LEF1: variants seen among roughly 807,000 people sequenced by gnomAD.
The protein encoded by LEF1 is lymphoid enhancer binding factor 1, also known as lymphoid enhancer-binding factor 1.
LEF1 carries 14 observed loss-of-function variants against 51.2 expected under a neutral mutation model. The observed-to-expected ratio is 0.27, with a 90% CI of 0.18 to 0.43. The LOEUF (loss-of-function observed/expected upper bound fraction) is 0.43, where lower values mean the gene tolerates loss of function less well. LEF1 is among the 20% of genes least tolerant of loss of function. The pLI is 1.00. For synonymous variants in LEF1, 185 were observed against 183.2 expected, an observed-to-expected ratio of 1.01 and a Z score of -0.08; for missense variants, 386 against 512.0, an observed-to-expected ratio of 0.75 and a Z score of 2.37.
chr4:108,103,852 T>C (rs1359171272), intron 3 of LEF1, among the ~76,000 whole-genome samples: 3 of 152,164 alleles, frequency 2.0e-5, no homozygotes, highest in Non-Finnish European at 4.4e-5. Context: ...TCAAAAGAAA[T>C]AGAAAACAGT....
intron 9 of LEF1, among the ~76,000 whole-genome samples, chr4:108,070,209 C>A: frequency 6.6e-6 from 1 of 151,694 alleles, no homozygotes. Flanking sequence ...AAACACTGTG[C>A]CATAACAGAT....
rs1290134350 is a variant in LEF1 at position 108,167,984 on chromosome 4, G to T, written c.-217C>A. ...ATCCCGGCGGCCGCCGCGCTTTCCC[G>T]CTTCGCGGAGACCGACGCAGGCGCC... On this transcript the variant is annotated 5_prime_UTR_variant, in exon 1 of 12. Coordinates refer to ENST00000265165, the MANE Select transcript of LEF1 (RefSeq NM_016269.5). The surrounding 1 kb of genome is among the most constrained non-coding windows in gnomAD (Gnocchi z 5.7). 1 of 229,102 alleles carries T rather than the reference G, an allele frequency of 4.4e-6. No individual in the cohort carries two copies. Among genetic ancestry groups the T allele is most frequent in the Non-Finnish European group, 8.3e-6 (1 of 120,526 alleles). The allele number at this position is 229,102 out of a possible 1,614,324, so 14.2% of individuals were successfully genotyped here.
chr4:108,157,182 A>AC (rs1744777502), intron 3 of LEF1, among the ~76,000 whole-genome samples: 1 of 138,540 alleles, frequency 7.2e-6, no homozygotes, highest in African/African-American at 3.0e-5. Flanking sequence ...ATATATATAC[A>AC]CACACACACA....
intron 3 of LEF1, among the ~76,000 whole-genome samples, chr4:108,111,199 A>T (rs1174243960): frequency 6.6e-6 from 1 of 152,242 alleles, no homozygotes; most frequent in Non-Finnish European, 1.5e-5. Context: ...GAAATGCAAG[A>T]TGTGCCCAGG....
chr4:108,064,797 T>C (rs1737961019), intron 9 of LEF1, among the ~76,000 whole-genome samples: 1 of 152,076 alleles, frequency 6.6e-6, no homozygotes, highest in South Asian at 2.1e-4. Context: ...TAGGACCCTC[T>C]TCAAGGAAAG....
intron 3 of LEF1, among the ~76,000 whole-genome samples, chr4:108,116,974 C>T (rs565559199): frequency 2.4e-4 from 37 of 152,340 alleles, no homozygotes; most frequent in African/African-American, 8.2e-4. Context: ...AAGGTGGCAA[C>T]GTGTGACACA....
Position 108,105,181 on chromosome 4 carries a change from CT to C in LEF1, c.415-15925del, listed in dbSNP as rs5860896. Among the ~76,000 whole-genome samples the C allele has an allele frequency of 3.5e-3, 460 of 131,336 alleles. 3 individuals are homozygous for C. Among genetic ancestry groups the C allele is most frequent in the African/African-American group, 0.011 (373 of 35,260 alleles). The allele number at this position is 131,336 out of a possible 152,430, so 86.2% of individuals were successfully genotyped here. ...AACTTAAAATTGCATGAAGAATCCACTTTTTTTTTTTTTTTTTGAGATGGAG... is the reference window on the plus strand; with the variant it reads ...AACTTAAAATTGCATGAAGAATCCACTTTTTTTTTTTTTTTTGAGATGGAG... On this transcript the variant is annotated intron_variant, in intron 3 of 11. Transcript: ENST00000265165.
In LEF1 at chr4:108,077,634, G is replaced by A. The variant is rs1273156710; in HGVS notation, c.1008+586C>T. On this transcript the variant is annotated intron_variant, in intron 8 of 11. Coordinates refer to ENST00000265165, the MANE Select transcript of LEF1 (RefSeq NM_016269.5). ...CCGCCCCGTCTGGGAAGTGAGGGGC[G>A]CCTCTGCCCGGCTGCCGCCCCGTCT... is the stretch of plus-strand genomic sequence containing the variant. Among the ~76,000 whole-genome samples, 646 of 130,202 alleles carry A rather than the reference G, an allele frequency of 5.0e-3. 7 individuals carry two copies. Among genetic ancestry groups the A allele is most frequent in the African/African-American group, 0.018 (592 of 33,766 alleles). The allele number at this position is 130,202 out of a possible 152,430, so 85.4% of individuals were successfully genotyped here.
chr4:108,108,315 T>C (rs1171785780), intron 3 of LEF1, among the ~76,000 whole-genome samples: 1 of 152,156 alleles, frequency 6.6e-6, no homozygotes, highest in Non-Finnish European at 1.5e-5. Flanking sequence ...TCTTAGATTA[T>C]CATCATCTTA....
At chr4:108,097,131 T>C (rs1465488213) in intron 3 of LEF1, among the ~76,000 whole-genome samples, 2 of 152,242 alleles carry the variant, frequency 1.3e-5, no homozygotes, top group East Asian at 1.9e-4. Context: ...AAGAGCTATC[T>C]GCATTCCCAT....
chr4:108,082,970 A>C (rs3797000), intron 5 of LEF1, among the ~76,000 whole-genome samples: 126,669 of 152,096 alleles, frequency 0.83, 53,980 homozygotes, highest in East Asian at 0.97. Context: ...TTACAAGTAA[A>C]GGTAGATATT....
chr4:108,078,739 G>T (rs972940517), intron 7 of LEF1, among the ~76,000 whole-genome samples: 5 of 152,176 alleles, frequency 3.3e-5, no homozygotes, highest in African/African-American at 1.2e-4. Context: ...GGTCCCCTCA[G>T]AAGAAGCTGA....
At chr4:108,078,874 C>T (rs750979296) in intron 7 of LEF1, among the ~76,000 whole-genome samples, 2 of 152,132 alleles carry the variant, frequency 1.3e-5, no homozygotes, top group East Asian at 1.9e-4. Context: ...TGCATGTTGC[C>T]TTTGCATACA....
chr4:108,159,125 G>T (rs1309268609), intron 3 of LEF1, among the ~76,000 whole-genome samples: 2 of 152,150 alleles, frequency 1.3e-5, no homozygotes, highest in Admixed American at 6.5e-5. Flanking sequence ...GTTACATGTA[G>T]TATGGCTTCC....
rs1033225883 is a variant in LEF1 at position 108,161,944 on chromosome 4, C to A, written c.414+1624G>T. ...AACATATTCTCCTTCCCTTCTCCAC[C>A]CCCTCCAAAAACAGCAAAAAAACCT... On this transcript the variant is annotated intron_variant, in intron 3 of 11. Coordinates refer to ENST00000265165, the MANE Select transcript of LEF1 (RefSeq NM_016269.5). 4.6e-5 allele frequency among the ~76,000 whole-genome samples: 7 copies of A among 152,104 alleles called. No homozygotes were observed. The East Asian group carries it at 1.4e-3, about 29-fold the overall frequency.
At chr4:108,079,372 G>T in intron 7 of LEF1, 120 bp downstream of exon 7, 2 of 1,103,066 alleles carry the variant, frequency 1.8e-6, no homozygotes. Flanking sequence ...TTTCAAGGCA[G>T]AGGTGCATTG....
At chr4:108,073,594 C>T (rs1578308416) in intron 8 of LEF1, among the ~76,000 whole-genome samples, 5 of 152,176 alleles carry the variant, frequency 3.3e-5, no homozygotes, top group East Asian at 3.9e-4. Context: ...TATAGTTTTA[C>T]GTAACTTACA....
rs147777138 is a variant in LEF1, at chr4:108,117,334, T to G, written c.415-28077A>C. 1.1e-4 allele frequency among the ~76,000 whole-genome samples: 16 copies of G among 152,374 alleles called. No homozygotes were observed. In the East Asian group the frequency reaches 3.1e-3, roughly 29 times the overall value. ...ACCGTGATTAAATATTTTAACAGAA[T>G]TTTTAATGGTTGCACGGTTTAACTA... On this transcript the variant is annotated intron_variant, in intron 3 of 11. Transcript: ENST00000265165.
chr4:108,137,109 A>G (rs1280744831), intron 3 of LEF1, among the ~76,000 whole-genome samples: 1 of 152,254 alleles, frequency 6.6e-6, no homozygotes, highest in Non-Finnish European at 1.5e-5. Flanking sequence ...CAAACAGTAC[A>G]GAATTTTGAA....
Sources: gnomAD v4.1 joint callset for allele counts (sites outside exome capture counted in the v4.1 genomes callset) on GRCh38, gnomAD v4.1.1 for gene constraint, Gnocchi (gnomAD v3.1) non-coding constraint, MANE v1.5 for transcripts, NCBI Gene and HGNC (gene_info 2026-07-23, HGNC 2026-07-21) for gene names.